Variants in ARB2A observed in about 807,000 individuals in gnomAD.
ARB2A encodes ARB2 cotranscriptional regulator A, also known as cotranscriptional regulator ARB2A.
chr5:93,904,912 G>A, the ARB2A span, among the ~76,000 whole-genome samples: 1 of 151,650 alleles, frequency 6.6e-6, no homozygotes, highest in Non-Finnish European at 1.5e-5. Context: ...TCAAATGAGT[G>A]AGGCACAAAT....
At chr5:93,850,783 T>C in the ARB2A span, among the ~76,000 whole-genome samples, 1 of 152,178 alleles carries the variant, frequency 6.6e-6, no homozygotes, top group African/African-American at 2.4e-5. Context: ...TTGGAGTCAA[T>C]ATGAACATTT....
At chr5:94,104,651 T>C in the ARB2A span, among the ~76,000 whole-genome samples, 1 of 152,050 alleles carries the variant, frequency 6.6e-6, no homozygotes, top group Non-Finnish European at 1.5e-5. Flanking sequence ...AATCATTCTA[T>C]GAAGCTAGCA....
At chr5:93,818,983 C>A in the ARB2A span, among the ~76,000 whole-genome samples, 2 of 151,616 alleles carry the variant, frequency 1.3e-5, no homozygotes, top group South Asian at 2.1e-4. Flanking sequence ...GTCAGGAGAT[C>A]GAGACCATCC....
At chr5:93,731,158 T>TC in the ARB2A span, among the ~76,000 whole-genome samples, 1 of 152,078 alleles carries the variant, frequency 6.6e-6, no homozygotes, top group East Asian at 1.9e-4. Context: ...GTGAATTGTG[T>TC]CCCCCACCAA....
the ARB2A span, among the ~76,000 whole-genome samples, chr5:93,667,673 G>T: frequency 6.6e-6 from 1 of 152,092 alleles, no homozygotes. Context: ...TGTCCAGGCT[G>T]GTCTTGAACT....
chr5:93,637,017 C>A, the ARB2A span, among the ~76,000 whole-genome samples: 1 of 152,168 alleles, frequency 6.6e-6, no homozygotes, highest in Admixed American at 6.5e-5. Flanking sequence ...AGATATAGAA[C>A]ATTTCCATCA....
At chr5:93,980,157 TTTGCTTCTTTGG>T in the ARB2A span, among the ~76,000 whole-genome samples, 1 of 152,294 alleles carries the variant, frequency 6.6e-6, no homozygotes, top group African/African-American at 2.4e-5. Flanking sequence ...ATTAATTCAG[TTTGCTTCTTTGG>T]TAGCTCTTTA....
chr5:94,085,153 C>T, the ARB2A span, among the ~76,000 whole-genome samples: 50 of 152,208 alleles, frequency 3.3e-4, no homozygotes, highest in Non-Finnish European at 1.0e-4. Flanking sequence ...TGGTCCACTA[C>T]CTGATCTTAT....
chr5:94,066,838 T>G, the ARB2A span, among the ~76,000 whole-genome samples: 1 of 152,202 alleles, frequency 6.6e-6, no homozygotes, highest in Non-Finnish European at 1.5e-5. Context: ...TAACTCATTT[T>G]ATAAGGCTAG....
chr5:93,798,568 G>A, the ARB2A span, among the ~76,000 whole-genome samples: 1 of 152,022 alleles, frequency 6.6e-6, no homozygotes, highest in Non-Finnish European at 1.5e-5. Context: ...AATATTATTT[G>A]TAATAATGGC....
At chr5:93,942,243 C>G in the ARB2A span, among the ~76,000 whole-genome samples, 2 of 152,134 alleles carry the variant, frequency 1.3e-5, no homozygotes, top group Non-Finnish European at 2.9e-5. Flanking sequence ...TGGCATGGGG[C>G]TGGGGTGGCC....
chr5:93,814,492 T>C, the ARB2A span, among the ~76,000 whole-genome samples: 1 of 152,314 alleles, frequency 6.6e-6, no homozygotes, highest in East Asian at 1.9e-4. Flanking sequence ...TATTATTTTC[T>C]AACAAAAAGA....
At chr5:93,897,322 A>C in the ARB2A span, among the ~76,000 whole-genome samples, 15 of 152,030 alleles carry the variant, frequency 9.9e-5, no homozygotes, top group Admixed American at 7.9e-4. Context: ...TAAGCTATTT[A>C]TAGATAAGGG....
the ARB2A span, among the ~76,000 whole-genome samples, chr5:93,769,965 CTT>C: frequency 6.6e-6 from 1 of 152,118 alleles, no homozygotes; most frequent in African/African-American, 2.4e-5. Flanking sequence ...ATAAAAGTAA[CTT>C]AGTATAAGAT....
chr5:93,774,368 C>T, the ARB2A span, among the ~76,000 whole-genome samples: 92 of 152,310 alleles, frequency 6.0e-4, 1 homozygote, highest in African/African-American at 1.8e-3. Flanking sequence ...GGATGACATG[C>T]GTGTCAAAAG....
chr5:94,046,318 C>T, the ARB2A span, among the ~76,000 whole-genome samples: 1 of 152,136 alleles, frequency 6.6e-6, no homozygotes, highest in Non-Finnish European at 1.5e-5. Flanking sequence ...CCTCACCAGA[C>T]ATTCCCTACA....
the ARB2A span, among the ~76,000 whole-genome samples, chr5:93,970,089 C>A: frequency 6.6e-6 from 1 of 152,074 alleles, no homozygotes. Flanking sequence ...TAGTAACAAG[C>A]TAAATTTGGC....
At chr5:94,091,851 A>G in the ARB2A span, among the ~76,000 whole-genome samples, 1 of 152,218 alleles carries the variant, frequency 6.6e-6, no homozygotes, top group East Asian at 1.9e-4. Flanking sequence ...TATACAGCTT[A>G]GCAACATCTA....
chr5:94,098,261 T>C, the ARB2A span, among the ~76,000 whole-genome samples: 188 of 152,292 alleles, frequency 1.2e-3, no homozygotes, highest in African/African-American at 3.9e-3. Flanking sequence ...GGAAGGACTA[T>C]GGCAACTCAA....
Sources: gnomAD v4.1 joint callset for allele counts (sites outside exome capture counted in the v4.1 genomes callset) on GRCh38, gnomAD v4.1.1 for gene constraint, MANE v1.5 for transcripts, NCBI Gene and HGNC (gene_info 2026-07-23, HGNC 2026-07-21) for gene names.